The following ADAMTSL1 variants were observed in gnomAD, a reference collection of about 807,000 sequenced individuals.
ADAMTSL1 encodes the protein ADAMTS like 1.
ADAMTSL1 carries 126 observed loss-of-function variants against 201.8 expected under a neutral mutation model. The observed-to-expected ratio is 0.62, with a 90% CI of 0.54 to 0.72. The LOEUF (loss-of-function observed/expected upper bound fraction) is 0.72. Ranked by LOEUF, ADAMTSL1 falls within the 30% of genes least tolerant of loss-of-function variation. The pLI is 0.00. For synonymous variants in ADAMTSL1, 1,121 were observed against 903.4 expected, an observed-to-expected ratio of 1.24 and a Z score of -4.32; for missense variants, 2,679 against 2,277.8, an observed-to-expected ratio of 1.18 and a Z score of -3.59.
rs1382952072 is a variant in ADAMTSL1 at position 17,911,310 on chromosome 9, A to G, written c.87+4388A>G. On this transcript the variant is annotated intron_variant, in intron 1 of 29. Coordinates refer to the ADAMTSL1 transcript ENST00000680146. ...AACCCAGCATGATCCTATTACCTTA[A>G]TTGCTCCCAGATAAGGAAATGCTTA... Among the ~76,000 whole-genome samples the G allele has an allele frequency of 4.4e-5, 3 of 68,586 alleles. 1 individual carries two copies. Among genetic ancestry groups the G allele is most frequent in the African/African-American group, 8.8e-5 (3 of 33,992 alleles). The allele number at this position is 68,586 out of a possible 152,430, so 45.0% of individuals were successfully genotyped here.
At chr9:18,585,122 T>C (rs1823396204) in intron 4 of ADAMTSL1, among the ~76,000 whole-genome samples, 1 of 152,170 alleles carries the variant, frequency 6.6e-6, no homozygotes, top group Non-Finnish European at 1.5e-5. Context: ...ATATTTTATT[T>C]TTGTCACCGT....
chr9:18,290,781 G>T (rs28582626), intron 2 of ADAMTSL1, among the ~76,000 whole-genome samples: 89,404 of 135,058 alleles, frequency 0.66, 28,407 homozygotes, highest in South Asian at 0.79. Flanking sequence ...TTTTTTGTGT[G>T]TTTTTTTTTT....
intron 2 of ADAMTSL1, among the ~76,000 whole-genome samples, chr9:18,256,016 G>A (rs1831669383): frequency 6.6e-6 from 1 of 152,116 alleles, no homozygotes; most frequent in Non-Finnish European, 1.5e-5. Flanking sequence ...ATTATCTTTG[G>A]CAATCTTCCT....
chr9:18,783,761 TTTAAAAGGTTA>T (rs1821538869), intron 19 of ADAMTSL1, among the ~76,000 whole-genome samples: 1 of 152,206 alleles, frequency 6.6e-6, no homozygotes, highest in Non-Finnish European at 1.5e-5. Context: ...CTTTTACATT[TTTAAAAGGTTA>T]TTAAAAACAA....
chr9:18,269,454 A>G (rs574854580), intron 2 of ADAMTSL1, among the ~76,000 whole-genome samples: 9 of 152,298 alleles, frequency 5.9e-5, no homozygotes, highest in African/African-American at 1.9e-4. Context: ...TATATAACAC[A>G]TCAAATAAAA....
intron 2 of ADAMTSL1, among the ~76,000 whole-genome samples, chr9:18,363,383 G>T (rs751591093): frequency 6.6e-6 from 1 of 152,168 alleles, no homozygotes; most frequent in South Asian, 2.1e-4. Flanking sequence ...GCCGACAAGC[G>T]TATACAGGAT....
intron 2 of ADAMTSL1, among the ~76,000 whole-genome samples, chr9:18,411,141 C>T (rs930136514): frequency 6.6e-5 from 10 of 150,586 alleles, no homozygotes; most frequent in Admixed American, 2.0e-4. Context: ...GGATTTCAGG[C>T]GTGAGCCACT....
chr9:18,681,697 T>A (rs776759), intron 11 of ADAMTSL1, 115 bp from the exon 12 acceptor site: 6,110 of 239,126 alleles, frequency 0.026, 87 homozygotes, highest in South Asian at 0.08. Flanking sequence ...AGTCCTCGTG[T>A]GGGGGGGGGG....
chr9:18,547,058 G>T (rs1317569737), intron 3 of ADAMTSL1, among the ~76,000 whole-genome samples: 2 of 152,156 alleles, frequency 1.3e-5, no homozygotes, highest in Non-Finnish European at 2.9e-5. Context: ...AGAGCAAAAT[G>T]ATGTGTACTT....
intron 2 of ADAMTSL1, among the ~76,000 whole-genome samples, chr9:18,510,851 C>T (rs1379596363): frequency 6.6e-6 from 1 of 152,064 alleles, no homozygotes; most frequent in African/African-American, 2.4e-5. Context: ...CCTTGAGAAG[C>T]TGCTCCTCTC....
At chr9:18,027,179 G>A (rs1820736376) in intron 1 of ADAMTSL1, among the ~76,000 whole-genome samples, 1 of 150,792 alleles carries the variant, frequency 6.6e-6, no homozygotes, top group South Asian at 2.1e-4. Flanking sequence ...GATTTCATTG[G>A]TCCTTTGTAT....
At chr9:18,006,741 C>T (rs956737179) in intron 1 of ADAMTSL1, among the ~76,000 whole-genome samples, 1 of 151,964 alleles carries the variant, frequency 6.6e-6, no homozygotes, top group Non-Finnish European at 1.5e-5. Flanking sequence ...TGACCAGAAG[C>T]AGAGTCTGTG....
chr9:18,630,552 C>G (rs1826692723), intron 5 of ADAMTSL1, among the ~76,000 whole-genome samples: 1 of 152,106 alleles, frequency 6.6e-6, no homozygotes, highest in Non-Finnish European at 1.5e-5. Flanking sequence ...CTACTGAGCT[C>G]TACAGGTCTT....
chr9:18,079,340 C>T (rs906352328), intron 1 of ADAMTSL1, among the ~76,000 whole-genome samples: 13 of 152,144 alleles, frequency 8.5e-5, no homozygotes, highest in South Asian at 4.1e-4. Flanking sequence ...TACCTCAAGT[C>T]GAAAGTTTCC....
At chr9:18,181,901 A>C (rs201081842) in intron 2 of ADAMTSL1, among the ~76,000 whole-genome samples, 1 of 152,026 alleles carries the variant, frequency 6.6e-6, no homozygotes, top group Non-Finnish European at 1.5e-5. Context: ...TGTCCAACAA[A>C]GATAGACTGG....
intron 1 of ADAMTSL1, among the ~76,000 whole-genome samples, chr9:18,002,682 A>G (rs1161497303): frequency 6.6e-6 from 1 of 152,066 alleles, no homozygotes; most frequent in South Asian, 2.1e-4. Flanking sequence ...GATTACATGA[A>G]TTAATTCATA....
intron 1 of ADAMTSL1, among the ~76,000 whole-genome samples, chr9:18,130,062 G>A (rs1462713776): frequency 2.0e-5 from 3 of 152,120 alleles, no homozygotes; most frequent in Non-Finnish European, 4.4e-5. Context: ...ACTGCATGGG[G>A]CCCTGTCTCA....
chr9:18,561,715 G>C (rs908565821), intron 3 of ADAMTSL1, among the ~76,000 whole-genome samples: 2 of 152,050 alleles, frequency 1.3e-5, no homozygotes, highest in Non-Finnish European at 2.9e-5. Context: ...TCCTGAATTG[G>C]GTGCATATAT....
chr9:18,632,235 G>A (rs752159186), intron 5 of ADAMTSL1, among the ~76,000 whole-genome samples: 9 of 152,274 alleles, frequency 5.9e-5, no homozygotes, highest in Admixed American at 2.6e-4. Context: ...AAATCATTGA[G>A]GATTTATCAG....
Sources: allele counts gnomAD v4.1 joint callset (sites outside exome capture counted in the v4.1 genomes callset), GRCh38; gene constraint gnomAD v4.1.1; transcripts MANE v1.5; gene names NCBI Gene and HGNC (gene_info 2026-07-23, HGNC 2026-07-21).